Variants in WWP2 observed in about 807,000 individuals in gnomAD.
The protein encoded by WWP2 is NEDD4-like E3 ubiquitin-protein ligase WWP2.
A neutral mutation model predicts 121.0 loss-of-function variants in WWP2; 57 were observed. The observed-to-expected ratio is 0.47, with a 90% confidence interval of 0.38 to 0.59. The LOEUF is 0.59. Ranked by LOEUF, WWP2 falls within the 20% of genes least tolerant of loss-of-function variation. The pLI is 0.00. For synonymous variants in WWP2, 449 were observed against 441.3 expected (o/e 1.02, Z -0.22); for missense variants, 962 against 1,158.9 (o/e 0.83, Z 2.47).
intron 1 of WWP2, among the ~76,000 whole-genome samples, chr16:69,764,618 C>G (rs939905019): frequency 6.6e-6 from 1 of 152,166 alleles, no homozygotes; most frequent in African/African-American, 2.4e-5. Context: ...CTGTACTCTA[C>G]CATAGCTTCC....
At chr16:69,846,763 G>A (rs542816420) in intron 6 of WWP2, among the ~76,000 whole-genome samples, 88 of 151,978 alleles carry the variant, frequency 5.8e-4, no homozygotes, top group African/African-American at 2.1e-3. Context: ...AATGAATCCT[G>A]AATTCAGGAG....
chr16:69,850,754 C>T (rs1567378822), intron 6 of WWP2, among the ~76,000 whole-genome samples: 1 of 152,154 alleles, frequency 6.6e-6, no homozygotes, highest in Non-Finnish European at 1.5e-5. Context: ...GATAGCGTAG[C>T]AAACTAGGGT....
intron 4 of WWP2, among the ~76,000 whole-genome samples, chr16:69,830,535 C>T (rs1252669873): frequency 2.0e-5 from 3 of 152,144 alleles, no homozygotes; most frequent in Admixed American, 6.5e-5. Context: ...AGGGTAGATT[C>T]CCAGCGGTAG....
intron 6 of WWP2, among the ~76,000 whole-genome samples, chr16:69,844,846 A>C (rs1433541931): frequency 6.6e-6 from 1 of 152,186 alleles, no homozygotes; most frequent in Non-Finnish European, 1.5e-5. Flanking sequence ...CATCTAAGTA[A>C]CTATTCATTC....
intron 6 of WWP2, among the ~76,000 whole-genome samples, chr16:69,854,502 T>C (rs2057274079): frequency 6.6e-6 from 1 of 152,102 alleles, no homozygotes; most frequent in Non-Finnish European, 1.5e-5. Flanking sequence ...ATAGAATGAC[T>C]CCTTTCAAAC....
At chr16:69,775,971 C>G (rs2151774654) in intron 1 of WWP2, among the ~76,000 whole-genome samples, 1 of 152,224 alleles carries the variant, frequency 6.6e-6, no homozygotes, top group South Asian at 2.1e-4. Flanking sequence ...TTCTGTCTCC[C>G]CTGTTATCTT....
chr16:69,851,244 C>T lies in WWP2; in HGVS notation c.575+9124C>T, dbSNP rs180831374. On this transcript the variant is annotated intron_variant, in intron 6 of 23. Transcript: ENST00000359154. Reference sequence around the variant, plus strand: ...TGTTGGCCAGGCTGGTCTTGAACTCCTGGACTCAAGTGATCCACGTGCCTT... The same window carrying T: ...TGTTGGCCAGGCTGGTCTTGAACTCTTGGACTCAAGTGATCCACGTGCCTT... 8.5e-4 allele frequency among the ~76,000 whole-genome samples: 129 copies of T among 151,868 alleles called. 1 individual carries two copies. Among genetic ancestry groups the T allele is most frequent in the Non-Finnish European group, 1.5e-4 (10 of 67,950 alleles).
intron 6 of WWP2, among the ~76,000 whole-genome samples, chr16:69,854,736 A>G (rs1014162669): frequency 6.6e-6 from 1 of 152,050 alleles, no homozygotes; most frequent in African/African-American, 2.4e-5. Context: ...TTTTTAGTAG[A>G]GGCGAGGTTT....
intron 8 of WWP2, among the ~76,000 whole-genome samples, chr16:69,897,777 G>A (rs928357306): frequency 4.6e-5 from 7 of 151,836 alleles, no homozygotes; most frequent in African/African-American, 1.5e-4. Context: ...GTGTGGTGGC[G>A]CATGCCTGTA....
Position 69,825,812 on chromosome 16 carries a change from A to G in WWP2, c.341-14314A>G, listed in dbSNP as rs1255097844. ...GTCTAAGTTTTTACATTTTTTGTAG[A>G]CACAGGATCTCCCTATGTTGCCCAG... On this transcript the variant is annotated intron_variant, in intron 4 of 23. Coordinates refer to ENST00000359154, the MANE Select transcript of WWP2 (RefSeq NM_001270454.2). 4.6e-5 allele frequency among the ~76,000 whole-genome samples: 7 copies of G among 152,008 alleles called. No individual in the cohort carries two copies. The South Asian group carries it at 1.5e-3, about 32-fold the overall frequency.
rs577926650 is a variant in WWP2 at position 69,817,560 on chromosome 16, T to G, written c.340+18265T>G. Among the ~76,000 whole-genome samples, 5 of 152,060 alleles carry G rather than the reference T, an allele frequency of 3.3e-5. No individual in the cohort carries two copies. In the East Asian group the frequency reaches 9.7e-4, roughly 29 times the overall value. On this transcript the variant is annotated intron_variant, in intron 4 of 23. Transcript: ENST00000359154. ...CTACTGTGCCCAGCCAGATGCTTTG[T>G]TTTTGTTTTGTATAAATGTACCCAC... is the stretch of plus-strand genomic sequence containing the variant.
intron 8 of WWP2, among the ~76,000 whole-genome samples, chr16:69,897,573 A>G (rs2058124850): frequency 6.6e-6 from 1 of 152,202 alleles, no homozygotes. Flanking sequence ...ACATGAACAG[A>G]TAAAAATTTA....
At chr16:69,789,827 T>C (rs919241636) in intron 2 of WWP2, among the ~76,000 whole-genome samples, 1 of 152,212 alleles carries the variant, frequency 6.6e-6, no homozygotes, top group Non-Finnish European at 1.5e-5. Flanking sequence ...ATTTGATCCT[T>C]GAACAGCATG....
intron 23 of WWP2, 114 bp downstream of exon 23, chr16:69,939,527 C>A: frequency 9.0e-7 from 1 of 1,108,986 alleles, no homozygotes; most frequent in Non-Finnish European, 1.3e-6. Context: ...TTTTGCGTGG[C>A]CCTGGGGTGT....
chr16:69,777,589 C>T (rs1226719036), intron 1 of WWP2, among the ~76,000 whole-genome samples: 2 of 151,874 alleles, frequency 1.3e-5, no homozygotes, highest in African/African-American at 4.8e-5. Context: ...GCATGAGCCA[C>T]CGTGCTCGGC....
intron 6 of WWP2, among the ~76,000 whole-genome samples, chr16:69,852,885 A>G (rs972917055): frequency 2.0e-5 from 3 of 152,164 alleles, no homozygotes; most frequent in African/African-American, 4.8e-5. Flanking sequence ...CTACGATGGT[A>G]TGTTAAGTAG....
intron 4 of WWP2, among the ~76,000 whole-genome samples, chr16:69,811,199 C>T (rs906925828): frequency 9.9e-5 from 15 of 152,202 alleles, no homozygotes; most frequent in Non-Finnish European, 2.2e-4. Context: ...TAGCTCCCCA[C>T]TCCTGCAGCT....
chr16:69,925,052 G>A lies in WWP2; in HGVS notation c.1180-378G>A, dbSNP rs1442096791. 20 of 1,010,816 alleles carry A rather than the reference G, an allele frequency of 2.0e-5. No homozygotes were observed. Among genetic ancestry groups the A allele is most frequent in the South Asian group, 1.8e-4 (4 of 22,104 alleles). The allele number at this position is 1,010,816 out of a possible 1,614,324, so 62.6% of individuals were successfully genotyped here. ...GGTGGTGATTTCAGTCGCCTTGGCC[G>A]CCTTGAGCCGGAGCTGAGCGGAGGC... On this transcript the variant is annotated intron_variant, in intron 10 of 23. Transcript: ENST00000359154. The surrounding 1 kb of genome is among the most constrained non-coding windows in gnomAD (Gnocchi z 4.0).
chr16:69,915,331 A>G (rs1254767774), intron 9 of WWP2, among the ~76,000 whole-genome samples: 1 of 152,252 alleles, frequency 6.6e-6, no homozygotes, highest in Non-Finnish European at 1.5e-5. Context: ...GGGAGGAGAT[A>G]GTTGAGGGAT....
Sources: gnomAD v4.1 joint callset for allele counts (sites outside exome capture counted in the v4.1 genomes callset) on GRCh38, gnomAD v4.1.1 for gene constraint, Gnocchi (gnomAD v3.1) non-coding constraint, MANE v1.5 for transcripts, NCBI Gene and HGNC (gene_info 2026-07-23, HGNC 2026-07-21) for gene names.